The following ASTN1 variants were observed in gnomAD, a reference collection of about 807,000 sequenced individuals.
ASTN1 encodes astrotactin-1.
Under a neutral mutation model 140.7 loss-of-function variants are expected in ASTN1, and 41 were observed. The observed-to-expected ratio is 0.29, with a 90% confidence interval of 0.23 to 0.38. The LOEUF is 0.38. Ranked by LOEUF, ASTN1 falls within the 10% of genes least tolerant of loss-of-function variation. The pLI is 1.00. For missense variants in ASTN1, 1,479 were observed against 1,678.8 expected (o/e 0.88, Z 2.08); for synonymous variants, 640 against 652.2 (o/e 0.98, Z 0.29).
intron 8 of ASTN1, among the ~76,000 whole-genome samples, chr1:176,986,792 TA>T (rs1475048696): frequency 2.0e-5 from 3 of 152,176 alleles, no homozygotes; most frequent in Non-Finnish European, 2.9e-5. Flanking sequence ...AAGAAAATAA[TA>T]GTCACCTTAT....
intron 16 of ASTN1, among the ~76,000 whole-genome samples, chr1:176,907,284 C>T (rs2223298): frequency 0.31 from 47,728 of 151,988 alleles, 8,999 homozygotes; most frequent in East Asian, 0.73. Context: ...ATGGTCAGAA[C>T]GCTTTTTATA....
chr1:176,944,078 C>CT (rs1671851238), intron 13 of ASTN1, 60 bp from the exon 14 acceptor site: 3 of 1,516,610 alleles, frequency 2.0e-6, no homozygotes, highest in Admixed American at 2.1e-5. Context: ...CCTTACTGAG[C>CT]ATTTTTTTTT....
intron 8 of ASTN1, among the ~76,000 whole-genome samples, chr1:176,971,588 T>C (rs768837914): frequency 6.6e-6 from 1 of 152,194 alleles, no homozygotes; most frequent in Non-Finnish European, 1.5e-5. Flanking sequence ...AAAAATGACT[T>C]CCTAAAATAG....
intron 8 of ASTN1, among the ~76,000 whole-genome samples, chr1:176,991,401 T>A: frequency 8.8e-6 from 1 of 113,170 alleles, no homozygotes. Flanking sequence ...CAACAAACGC[T>A]AAACTCTGTC....
At chr1:176,949,481 A>G in intron 11 of ASTN1, 130 bp from the exon 12 acceptor site, 1 of 1,053,750 alleles carries the variant, frequency 9.5e-7, no homozygotes, top group Admixed American at 2.9e-5. Context: ...CAAGTAATCC[A>G]TGAATTTCCT....
At chr1:177,004,878 C>T (rs571129866) in intron 8 of ASTN1, among the ~76,000 whole-genome samples, 3 of 152,042 alleles carry the variant, frequency 2.0e-5, no homozygotes, top group Non-Finnish European at 4.4e-5. Flanking sequence ...AAAATTCTAG[C>T]AGAAAACCTA....
intron 16 of ASTN1, among the ~76,000 whole-genome samples, chr1:176,931,814 G>T (rs1301623967): frequency 2.0e-5 from 3 of 152,214 alleles, no homozygotes; most frequent in African/African-American, 7.2e-5. Flanking sequence ...CATGTGCTTG[G>T]CTCTGTGGCT....
rs375226989 is a variant in ASTN1, at chr1:176,998,317, A to T, written c.1523+16474T>A. Among the ~76,000 whole-genome samples, 47 of 152,330 alleles carry T rather than the reference A, an allele frequency of 3.1e-4. No individual in the cohort carries two copies. In the South Asian group the frequency reaches 7.9e-3, roughly 25 times the overall value. On this transcript the variant is annotated intron_variant, in intron 8 of 22. Transcript: ENST00000361833. ...AATAAATATTACCTAGTATTATGTA[A>T]ATGAGGCAACAAATTTAAAGCACCC... is the stretch of plus-strand genomic sequence containing the variant.
chr1:177,156,285 A>AT (rs1204305484), intron 1 of ASTN1, among the ~76,000 whole-genome samples: 5 of 149,298 alleles, frequency 3.3e-5, no homozygotes, highest in African/African-American at 7.6e-5. Context: ...AAAAAAAAAC[A>AT]AAAAACCCAA....
In ASTN1 at chr1:176,894,630, G is replaced by A. The variant is rs1039669744; in HGVS notation, c.2872C>T (p.Pro958Ser). 6.2e-7 allele frequency: 1 copy of A among 1,614,084 alleles called. No homozygotes were observed. Among genetic ancestry groups the A allele is most frequent in the Non-Finnish European group, 8.5e-7 (1 of 1,180,030 alleles). The change falls in exon 17 of 23, where the codon CCG becomes TCG. Residue 958 changes from proline to serine, a missense_variant. Coordinates refer to ENST00000361833, the MANE Select transcript of ASTN1 (RefSeq NM_004319.3). ...VTSSPDTPAE[P>S]VLLEVTKAAP... Reference sequence around the variant, plus strand: ...GCTTTGGTCACCTCCAGCAGAACCGGCTCAGCAGGGGTGTCAGGGCTGGAT... The same window carrying A: ...GCTTTGGTCACCTCCAGCAGAACCGACTCAGCAGGGGTGTCAGGGCTGGAT...
intron 1 of ASTN1, among the ~76,000 whole-genome samples, chr1:177,160,940 A>G (rs539236992): frequency 1.8e-4 from 27 of 152,362 alleles, no homozygotes; most frequent in African/African-American, 6.5e-4. Flanking sequence ...AGTATCTGTG[A>G]GAAGTATAGC....
intron 1 of ASTN1, among the ~76,000 whole-genome samples, chr1:177,105,031 C>T (rs972018129): frequency 2.0e-5 from 3 of 152,150 alleles, no homozygotes; most frequent in Admixed American, 6.5e-5. Context: ...CGTGGAGACT[C>T]ACTGCCTAGG....
At chr1:177,031,038 A>T in intron 3 of ASTN1, 86 bp from the exon 4 acceptor site, 2 of 1,410,508 alleles carry the variant, frequency 1.4e-6, no homozygotes, top group South Asian at 1.4e-5. Context: ...AACCAAGAAG[A>T]TAAGGTCTCA....
chr1:176,906,786 G>A (rs1670021089), intron 16 of ASTN1, among the ~76,000 whole-genome samples: 1 of 151,556 alleles, frequency 6.6e-6, no homozygotes, highest in Admixed American at 6.6e-5. Context: ...CCTGAGAGGC[G>A]GAGGTTGCAG....
chr1:176,972,948 A>C (rs1261215595), intron 8 of ASTN1, among the ~76,000 whole-genome samples: 1 of 152,056 alleles, frequency 6.6e-6, no homozygotes, highest in Non-Finnish European at 1.5e-5. Context: ...TCCTTGCTAC[A>C]GTCATACCTA....
intron 1 of ASTN1, among the ~76,000 whole-genome samples, chr1:177,094,495 C>T (rs1196738814): frequency 6.6e-6 from 1 of 152,202 alleles, no homozygotes; most frequent in Non-Finnish European, 1.5e-5. Flanking sequence ...TTACCCCTTT[C>T]ACCATGTGGA....
chr1:177,115,655 AAAATAAAT>A lies in ASTN1; in HGVS notation c.283+48731_283+48738del, dbSNP rs3041964. On this transcript the variant is annotated intron_variant, in intron 1 of 22. Transcript: ENST00000361833. Reference sequence around the variant, plus strand: ...CTGGGCAACAGAGAGAGACTGTGTCAAAATAAATAAATAAATAAATAAATAAATAAATA... The same window carrying A: ...CTGGGCAACAGAGAGAGACTGTGTCAAAATAAATAAATAAATAAATAAATA... Among the ~76,000 whole-genome samples the A allele has an allele frequency of 2.2e-3, 313 of 141,966 alleles. 5 individuals carry two copies. The highest frequency in any genetic ancestry group is 0.016 in the East Asian group (75 of 4,770). The allele number at this position is 141,966 out of a possible 152,430, so 93.1% of individuals were successfully genotyped here.
intron 9 of ASTN1, among the ~76,000 whole-genome samples, chr1:176,962,817 A>T (rs983184946): frequency 1.7e-4 from 26 of 152,220 alleles, no homozygotes; most frequent in Admixed American, 3.9e-4. Flanking sequence ...GGGGACTCTC[A>T]TAGACAGCCA....
intron 17 of ASTN1, among the ~76,000 whole-genome samples, chr1:176,890,585 G>A (rs1035605552): frequency 6.6e-6 from 1 of 152,186 alleles, no homozygotes; most frequent in Non-Finnish European, 1.5e-5. Flanking sequence ...GCGCTGGTAA[G>A]TAATTGCAGT....
Sources: allele counts gnomAD v4.1 joint callset (sites outside exome capture counted in the v4.1 genomes callset), GRCh38; gene constraint gnomAD v4.1.1; transcripts MANE v1.5; gene names NCBI Gene and HGNC (gene_info 2026-07-23, HGNC 2026-07-21).